CSMD1: variants seen among roughly 807,000 people sequenced by gnomAD.
CSMD1 encodes CUB and Sushi multiple domains 1.
CSMD1 carries 213 observed loss-of-function variants against 417.5 expected under a neutral mutation model. That is an observed-to-expected ratio of 0.51 (90% CI 0.46 to 0.57). The LOEUF is 0.57. Among genes scored for constraint, CSMD1 ranks in the 20% least tolerant of loss-of-function variants. The probability of loss-of-function intolerance (pLI) is 0.00; values close to 1 mark genes in which losing one functional copy is unlikely to be tolerated. For missense variants in CSMD1, 6,923 were observed against 4,529.7 expected, an observed-to-expected ratio of 1.53 and a Z score of -15.17; for synonymous variants, 2,862 against 1,736.8, an observed-to-expected ratio of 1.65 and a Z score of -16.11.
intron 3 of CSMD1, among the ~76,000 whole-genome samples, chr8:4,082,162 G>A (rs960177757): frequency 2.0e-5 from 3 of 152,056 alleles, no homozygotes; most frequent in African/African-American, 4.8e-5. Flanking sequence ...TAGATCCTAA[G>A]GACATTAAAG....
At chr8:3,881,844 G>C (rs1354662489) in intron 5 of CSMD1, among the ~76,000 whole-genome samples, 1 of 152,050 alleles carries the variant, frequency 6.6e-6, no homozygotes, top group Non-Finnish European at 1.5e-5. Flanking sequence ...ACACTGCTCA[G>C]GGCAAGGGGA....
chr8:3,389,570 G>C (rs529425460), intron 17 of CSMD1, among the ~76,000 whole-genome samples: 1 of 152,216 alleles, frequency 6.6e-6, no homozygotes, highest in South Asian at 2.1e-4. Context: ...CTAAACAACA[G>C]TGTATGCACT....
At chr8:4,381,729 C>G (rs143594607) in intron 3 of CSMD1, among the ~76,000 whole-genome samples, 65 of 152,256 alleles carry the variant, frequency 4.3e-4, no homozygotes, top group African/African-American at 1.4e-3. Context: ...CGTGGATGGA[C>G]TTTAGGCTTC....
At chr8:4,037,598 AG>A in intron 3 of CSMD1, among the ~76,000 whole-genome samples, 1 of 114,998 alleles carries the variant, frequency 8.7e-6, no homozygotes. Context: ...TGCAATGGAA[AG>A]GAGAATGGAC....
chr8:4,718,962 T>A (rs2116898996), intron 1 of CSMD1, among the ~76,000 whole-genome samples: 1 of 152,270 alleles, frequency 6.6e-6, no homozygotes, highest in Non-Finnish European at 1.5e-5. Context: ...AGAACGTTCA[T>A]TATATATTGA....
intron 1 of CSMD1, among the ~76,000 whole-genome samples, chr8:4,834,439 G>C (rs538735065): frequency 1.9e-4 from 29 of 152,304 alleles, no homozygotes; most frequent in Non-Finnish European, 3.4e-4. Flanking sequence ...AAAGAGGATT[G>C]AGTGGGCACA....
intron 5 of CSMD1, among the ~76,000 whole-genome samples, chr8:3,930,745 A>C (rs1048062485): frequency 6.6e-6 from 1 of 150,444 alleles, no homozygotes; most frequent in African/African-American, 2.5e-5. Context: ...ATTTATGTTC[A>C]AGTGCTACTT....
Position 3,540,828 on chromosome 8 carries a change from T to C in CSMD1, c.1344+34117A>G, listed in dbSNP as rs953983734. ...AAAGAAGTGCAAATCAAAACCACAA[T>C]GAGATCATTTCATGCCAGTCAGATC... On this transcript the variant is annotated intron_variant, in intron 10 of 69. Coordinates refer to ENST00000635120, the MANE Select transcript of CSMD1 (RefSeq NM_033225.6). Among the ~76,000 whole-genome samples the C allele has an allele frequency of 2.6e-5, 4 of 152,096 alleles. 1 individual carries two copies. Among genetic ancestry groups the C allele is most frequent in the African/African-American group, 9.7e-5 (4 of 41,422 alleles).
chr8:2,998,320 T>C (rs1807094797), intron 53 of CSMD1, 136 bp from the exon 54 acceptor site: 3 of 768,244 alleles, frequency 3.9e-6, no homozygotes, highest in Non-Finnish European at 6.2e-6. Context: ...AGCTTACAGA[T>C]GGTATTTATA....
intron 23 of CSMD1, among the ~76,000 whole-genome samples, chr8:3,316,772 G>C (rs755998466): frequency 1.3e-4 from 20 of 152,184 alleles, no homozygotes; most frequent in Non-Finnish European, 2.5e-4. Context: ...GCACCAAGGA[G>C]TGGAGACCAA....
rs562209816 is a variant in CSMD1, at chr8:3,106,690, G to C, written c.6836-49C>G. On this transcript the variant is annotated intron_variant, in intron 45 of 69. Coordinates refer to ENST00000635120, the MANE Select transcript of CSMD1 (RefSeq NM_033225.6). ...CAGGAAATTGTGTGTGACCTTCTGA[G>C]TGTGTGAAGGTGTGACACATGTAGG... The C allele has an allele frequency of 1.2e-5, 13 of 1,055,846 alleles. No individual in the cohort carries two copies. In the East Asian group the frequency reaches 3.2e-4, roughly 26 times the overall value. The allele number at this position is 1,055,846 out of a possible 1,614,324, so 65.4% of individuals were successfully genotyped here. A position where few individuals can be genotyped will look rare whatever the true frequency, so the allele number is the denominator to read the frequency against.
At chr8:4,364,820 T>G (rs58257146) in intron 3 of CSMD1, among the ~76,000 whole-genome samples, 10,619 of 13,608 alleles carry the variant, frequency 0.78, 4,109 homozygotes, top group East Asian at 0.92. Flanking sequence ...GCGAGACTCC[T>G]TCTCAAAAAA....
chr8:4,021,732 T>G (rs1796798909), intron 4 of CSMD1, among the ~76,000 whole-genome samples: 9 of 152,190 alleles, frequency 5.9e-5, no homozygotes, highest in Admixed American at 5.9e-4. Context: ...AATATCCCTT[T>G]ACCTATCCCC....
intron 2 of CSMD1, among the ~76,000 whole-genome samples, chr8:4,466,983 G>C (rs1428524784): frequency 2.0e-5 from 3 of 151,938 alleles, no homozygotes; most frequent in Non-Finnish European, 4.4e-5. Flanking sequence ...GAAATGCTCA[G>C]CTGTGGGAGC....
intron 20 of CSMD1, among the ~76,000 whole-genome samples, chr8:3,360,107 T>C (rs1290616702): frequency 6.6e-6 from 1 of 152,230 alleles, no homozygotes; most frequent in African/African-American, 2.4e-5. Context: ...ATTTTGCCTC[T>C]AGAATATACC....
intron 2 of CSMD1, among the ~76,000 whole-genome samples, chr8:4,594,512 T>C (rs139242125): frequency 1.9e-3 from 287 of 152,182 alleles, no homozygotes; most frequent in African/African-American, 6.8e-3. Flanking sequence ...AAATGATCTG[T>C]TTCTAAATAA....
At chr8:3,851,529 C>A (rs1284549216) in intron 5 of CSMD1, among the ~76,000 whole-genome samples, 1 of 152,096 alleles carries the variant, frequency 6.6e-6, no homozygotes, top group Non-Finnish European at 1.5e-5. Context: ...ATCAGGTGGT[C>A]CCTGAAAGGT....
chr8:3,756,933 C>G (rs1417300275), intron 5 of CSMD1, among the ~76,000 whole-genome samples: 1 of 152,184 alleles, frequency 6.6e-6, no homozygotes, highest in East Asian at 1.9e-4. Flanking sequence ...GTAGCTAGAG[C>G]TATATGTGCA....
intron 25 of CSMD1, among the ~76,000 whole-genome samples, chr8:3,301,573 A>G (rs12676614): frequency 0.12 from 18,509 of 152,210 alleles, 1,396 homozygotes; most frequent in Admixed American, 0.19. Context: ...AGGTGAGTCA[A>G]TGAGGAGAAA....
Sources: allele counts gnomAD v4.1 joint callset (sites outside exome capture counted in the v4.1 genomes callset), GRCh38; gene constraint gnomAD v4.1.1; transcripts MANE v1.5; gene names NCBI Gene and HGNC (gene_info 2026-07-23, HGNC 2026-07-21).